UHRF1: variants seen among roughly 807,000 people sequenced by gnomAD.
UHRF1 encodes E3 ubiquitin-protein ligase UHRF1.
UHRF1 carries 9 observed loss-of-function variants against 96.5 expected under a neutral mutation model. The observed-to-expected ratio is 0.09, with a 90% CI of 0.06 to 0.16. UHRF1 has a LOEUF of 0.16. Ranked by LOEUF, UHRF1 falls within the 10% of genes least tolerant of loss-of-function variation. The pLI, the probability that UHRF1 is intolerant of heterozygous loss-of-function variation, is 1.00. For synonymous variants in UHRF1, 455 were observed against 469.9 expected, an observed-to-expected ratio of 0.97 and a Z score of 0.41; for missense variants, 626 against 1,131.1, an observed-to-expected ratio of 0.55 and a Z score of 6.40.
chr19:4,910,753 G>C, intron 1 of UHRF1, 123 bp from the exon 2 acceptor site: 3 of 1,222,336 alleles, frequency 2.5e-6, no homozygotes, highest in Non-Finnish European at 3.4e-6. Flanking sequence ...AGGACTGGAA[G>C]GGCATCCTGG....
In UHRF1 at chr19:4,954,242, G is replaced by A; in HGVS notation, c.1819-108G>A. 5 of 1,508,582 alleles carry A rather than the reference G, an allele frequency of 3.3e-6. No homozygotes were observed. Among genetic ancestry groups the A allele is most frequent in the African/African-American group, 1.4e-5 (1 of 72,288 alleles). 93.4% of individuals were successfully genotyped at this position (1,508,582 alleles called of 1,614,324 possible). A position where few individuals can be genotyped will look rare whatever the true frequency, so the allele number is the denominator to read the frequency against. The stretch of plus-strand genomic sequence containing the variant: ...CCTGTGCTCTTCAGGGGGATTGGGG[G>A]TCAGGTGTGTCTGGAAACCCAGACC... On this transcript the variant is annotated intron_variant, in intron 13 of 16. Coordinates refer to ENST00000650932, the MANE Select transcript of UHRF1 (RefSeq NM_001048201.3). The surrounding 1 kb of genome is among the most constrained non-coding windows in gnomAD (Gnocchi z 5.9).
upstream of UHRF1, among the ~76,000 whole-genome samples, chr19:4,905,822 T>A (rs1263058209): frequency 6.6e-6 from 1 of 152,096 alleles, no homozygotes; most frequent in Admixed American, 6.6e-5. Context: ...CGGCCAGTGT[T>A]AGTGTATTTT....
At chr19:4,911,141 C>T in intron 2 of UHRF1, 103 bp downstream of exon 2, 3 of 1,152,984 alleles carry the variant, frequency 2.6e-6, no homozygotes, top group Non-Finnish European at 3.6e-6. Context: ...CCCCAACAAC[C>T]TCGTCCGGTC....
chr19:4,942,806 G>A (rs951811959), intron 7 of UHRF1, among the ~76,000 whole-genome samples: 12 of 152,118 alleles, frequency 7.9e-5, no homozygotes, highest in African/African-American at 1.4e-4. Flanking sequence ...GGTGGTGCTC[G>A]CCTGTGGTCC....
intron 16 of UHRF1, among the ~76,000 whole-genome samples, chr19:4,960,398 T>C (rs2145231820): frequency 6.6e-6 from 1 of 152,098 alleles, no homozygotes; most frequent in South Asian, 2.1e-4. Context: ...AGCTGAGCTG[T>C]GAGTGATGAG....
intron 5 of UHRF1, among the ~76,000 whole-genome samples, chr19:4,937,326 G>A (rs1447473809): frequency 7.1e-6 from 1 of 140,400 alleles, no homozygotes; most frequent in Non-Finnish European, 1.5e-5. Context: ...CGACCCATTG[G>A]ATATCTGAGC....
At chr19:4,935,307 C>T (rs17884191) in intron 5 of UHRF1, among the ~76,000 whole-genome samples, 1 of 152,192 alleles carries the variant, frequency 6.6e-6, no homozygotes, top group Non-Finnish European at 1.5e-5. Flanking sequence ...GCACACACTC[C>T]CTTGCCTGCC....
At position 4,933,087 on chromosome 19, in the gene UHRF1, G is replaced by A. The variant is rs1452901262; in HGVS notation, c.785+131G>A. On this transcript the variant is annotated intron_variant, in intron 5 of 16. Coordinates refer to ENST00000650932, the MANE Select transcript of UHRF1 (RefSeq NM_001048201.3). ...CCTTAGCCTCCGGCCTGGCCTTCCT[G>A]CCTCCCCTCTGGGGTCTGTTCCTGC... is the stretch of plus-strand genomic sequence containing the variant. The A allele has an allele frequency of 5.0e-6, 5 of 1,007,298 alleles. No homozygotes were observed. In the East Asian group the frequency reaches 1.3e-4, roughly 26 times the overall value. The allele number at this position is 1,007,298 out of a possible 1,614,324, so 62.4% of individuals were successfully genotyped here.
At chr19:4,909,912 G>A (rs975072235) in intron 1 of UHRF1, among the ~76,000 whole-genome samples, 2 of 151,344 alleles carry the variant, frequency 1.3e-5, no homozygotes, top group African/African-American at 2.4e-5. Context: ...CTGGCGAGCC[G>A]CCGGGGAGGA....
At chr19:4,943,380 C>T (rs773663497) in intron 7 of UHRF1, among the ~76,000 whole-genome samples, 2 of 152,062 alleles carry the variant, frequency 1.3e-5, no homozygotes, top group South Asian at 2.1e-4. Context: ...GTGTTCCTGG[C>T]GCACATAATG....
At chr19:4,940,435 C>G (rs542950745) in intron 5 of UHRF1, among the ~76,000 whole-genome samples, 1 of 124,314 alleles carries the variant, frequency 8.0e-6, no homozygotes, top group Non-Finnish European at 1.6e-5. Flanking sequence ...GCGTGATCAT[C>G]TCAGCTCCAC....
chr19:4,907,791 C>T (rs2032098398), upstream of UHRF1, among the ~76,000 whole-genome samples: 1 of 135,666 alleles, frequency 7.4e-6, no homozygotes, highest in South Asian at 2.4e-4. Flanking sequence ...TGGCTCACCA[C>T]AACCTCTGCC....
At chr19:4,951,976 G>A (rs1263887264) in intron 13 of UHRF1, among the ~76,000 whole-genome samples, 1 of 152,214 alleles carries the variant, frequency 6.6e-6, no homozygotes, top group Non-Finnish European at 1.5e-5. Context: ...ACCCGAGGGG[G>A]TCACTCAGGT....
intron 1 of UHRF1, among the ~76,000 whole-genome samples, chr19:4,904,435 T>C (rs2032021921): frequency 6.6e-6 from 1 of 152,160 alleles, no homozygotes; most frequent in Admixed American, 6.6e-5. Flanking sequence ...CACCTTGGCC[T>C]CCCAAAGTGC....
intron 5 of UHRF1, among the ~76,000 whole-genome samples, chr19:4,938,144 A>AT (rs1320540293): frequency 6.6e-6 from 1 of 151,810 alleles, no homozygotes; most frequent in African/African-American, 2.4e-5. Flanking sequence ...ACAGAGCAAG[A>AT]TTCCGTCTCG....
intron 5 of UHRF1, among the ~76,000 whole-genome samples, 188 bp from the exon 6 acceptor site, chr19:4,941,340 G>GTA (rs753405319): frequency 1.3e-5 from 2 of 152,008 alleles, no homozygotes; most frequent in Non-Finnish European, 2.9e-5. Context: ...CCCAGTGTTG[G>GTA]TATTACAGGC....
At position 4,954,539 on chromosome 19, in the gene UHRF1, T is replaced by C; in HGVS notation, c.1957+51T>C. The C allele has an allele frequency of 6.3e-7, 1 of 1,585,554 alleles. No homozygotes were observed. Among genetic ancestry groups the C allele is most frequent in the Non-Finnish European group, 8.6e-7 (1 of 1,163,146 alleles). On this transcript the variant is annotated intron_variant, in intron 14 of 16. Transcript: ENST00000650932. The surrounding 1 kb of genome is among the most constrained non-coding windows in gnomAD (Gnocchi z 5.9). ...AGCGTCTTGTGTGTGGGGGAGCAGG[T>C]GGGCATCTCGCGGGTGTGGGGTTGA...
chr19:4,953,437 T>C (rs62112543), intron 13 of UHRF1, among the ~76,000 whole-genome samples: 41,087 of 152,038 alleles, frequency 0.27, 6,274 homozygotes, highest in East Asian at 0.73. Flanking sequence ...TTCCAAATTG[T>C]CAGCATCCCT....
intron 10 of UHRF1, 90 bp downstream of exon 10, chr19:4,946,055 C>G: frequency 9.9e-7 from 1 of 1,007,198 alleles, no homozygotes; most frequent in Non-Finnish European, 1.4e-6. Flanking sequence ...CCATCCTAGC[C>G]GTTTTTAAAT....
Sources: allele counts gnomAD v4.1 joint callset (sites outside exome capture counted in the v4.1 genomes callset), GRCh38; gene constraint gnomAD v4.1.1; non-coding constraint Gnocchi (gnomAD v3.1); transcripts MANE v1.5; gene names NCBI Gene and HGNC (gene_info 2026-07-23, HGNC 2026-07-21).